MTAP: variants seen among roughly 807,000 people sequenced by gnomAD.
The protein encoded by MTAP is S-methyl-5'-thioadenosine phosphorylase.
A neutral mutation model predicts 33.6 loss-of-function variants in MTAP; 33 were observed. That is an observed-to-expected ratio of 0.98 (90% CI 0.74 to 1.31). MTAP has a LOEUF of 1.31. Ranked by LOEUF, MTAP falls within the 40% of genes most tolerant of loss-of-function variation. The pLI, the probability that MTAP is intolerant of heterozygous loss-of-function variation, is 0.00. For synonymous variants in MTAP, 148 were observed against 125.7 expected, an observed-to-expected ratio of 1.18 and a Z score of -1.19; for missense variants, 367 against 360.0, an observed-to-expected ratio of 1.02 and a Z score of -0.16.
At chr9:21,802,817 T>A in intron 1 of MTAP, 36 bp downstream of exon 1, 1 of 1,611,276 alleles carries the variant, frequency 6.2e-7, no homozygotes, top group Non-Finnish European at 8.5e-7. Context: ...CGGTTCGCCC[T>A]GCCGGATGCC....
intron 1 of MTAP, among the ~76,000 whole-genome samples, chr9:21,913,412 T>C (rs1476691185): frequency 1.3e-5 from 2 of 152,196 alleles, no homozygotes; most frequent in African/African-American, 4.8e-5. Flanking sequence ...AACAGCATGG[T>C]ACTGGTACCA....
intron 1 of MTAP, among the ~76,000 whole-genome samples, chr9:21,878,213 A>G (rs906105501): frequency 1.3e-5 from 2 of 151,366 alleles, no homozygotes; most frequent in Non-Finnish European, 2.9e-5. Flanking sequence ...CTCCTTTGTC[A>G]TTTCTGATTG....
chr9:21,847,667 T>C (rs1163390711), intron 5 of MTAP, among the ~76,000 whole-genome samples: 2 of 152,192 alleles, frequency 1.3e-5, no homozygotes, highest in Non-Finnish European at 2.9e-5. Flanking sequence ...GGTTGGTTGC[T>C]CCTAAGTTCA....
At chr9:21,937,823 CA>C (rs1280757456), downstream of MTAP, among the ~76,000 whole-genome samples, 2 of 152,128 alleles carry the variant, frequency 1.3e-5, no homozygotes, top group Non-Finnish European at 2.9e-5. Flanking sequence ...TGGAATATCT[CA>C]AAAGACTTTG....
At chr9:21,859,698 C>T (rs1034147443) in intron 7 of MTAP, 4 of 258,426 alleles carry the variant, frequency 1.5e-5, no homozygotes, top group African/African-American at 8.9e-5. Flanking sequence ...CTGTAGTATC[C>T]CTAAGTCTTA....
rs1010483966 is a variant in MTAP at position 21,859,108 on chromosome 9, A to T, written c.691-195A>T. ...AAGATCACTAATCCTATCCACGAGGACTCTGCCTTCATGACCTAATTGCCT... is the reference window on the plus strand; with the variant it reads ...AAGATCACTAATCCTATCCACGAGGTCTCTGCCTTCATGACCTAATTGCCT... On this transcript the variant is annotated intron_variant, in intron 6 of 7. Coordinates refer to ENST00000644715, the MANE Select transcript of MTAP (RefSeq NM_002451.4). 3 of 585,444 alleles carry T rather than the reference A, an allele frequency of 5.1e-6. No homozygotes were observed. The East Asian group carries it at 9.9e-5, about 19-fold the overall frequency. The allele number at this position is 585,444 out of a possible 1,614,324, so 36.3% of individuals were successfully genotyped here.
exon 8 of MTAP, chr9:21,936,357 G>A (rs181763703): frequency 1.3e-5 from 2 of 152,320 alleles, no homozygotes; most frequent in East Asian, 1.9e-4. Context: ...TATCTATCCA[G>A]ACAGATGATG....
chr9:21,828,616 A>G (rs1338892941), intron 4 of MTAP, among the ~76,000 whole-genome samples: 9 of 152,178 alleles, frequency 5.9e-5, no homozygotes, highest in African/African-American at 1.4e-4. Context: ...CAGAGGTTAC[A>G]GTGAACCGAG....
At chr9:21,903,411 G>A (rs1263669003) in intron 1 of MTAP, among the ~76,000 whole-genome samples, 1 of 152,148 alleles carries the variant, frequency 6.6e-6, no homozygotes, top group Non-Finnish European at 1.5e-5. Context: ...CTGGATAGAG[G>A]AGATGGAAAA....
chr9:21,929,105 T>C (rs972744351), intron 1 of MTAP, among the ~76,000 whole-genome samples: 2 of 151,960 alleles, frequency 1.3e-5, no homozygotes, highest in Non-Finnish European at 2.9e-5. Context: ...ACTGCTCCAG[T>C]ATCTATTCCC....
At chr9:21,883,125 G>GA (rs141709892) in intron 1 of MTAP, among the ~76,000 whole-genome samples, 2,559 of 138,570 alleles carry the variant, frequency 0.018, 55 homozygotes, top group African/African-American at 0.054. Flanking sequence ...ACTTATAACT[G>GA]AAAAAAAAAA....
intron 6 of MTAP, among the ~76,000 whole-genome samples, chr9:21,856,618 C>G (rs1027607378): frequency 6.6e-6 from 1 of 152,172 alleles, no homozygotes; most frequent in African/African-American, 2.4e-5. Flanking sequence ...GTAGAACCAG[C>G]AGTGATTTCC....
intron 1 of MTAP, among the ~76,000 whole-genome samples, chr9:21,810,727 A>G (rs1824324300): frequency 6.6e-6 from 1 of 152,224 alleles, no homozygotes; most frequent in South Asian, 2.1e-4. Context: ...AAAAACGGCA[A>G]ATACAGTCAC....
intron 1 of MTAP, among the ~76,000 whole-genome samples, chr9:21,923,319 G>C (rs932518339): frequency 7.9e-5 from 12 of 152,078 alleles, no homozygotes; most frequent in African/African-American, 2.9e-4. Flanking sequence ...AGTTTTTATG[G>C]CTGCATAGGA....
intron 1 of MTAP, among the ~76,000 whole-genome samples, chr9:21,899,408 A>G (rs1297386563): frequency 1.4e-5 from 2 of 145,490 alleles, no homozygotes; most frequent in African/African-American, 5.0e-5. Flanking sequence ...GGAGAAGGGG[A>G]AGGGGAAGGG....
At chr9:21,883,242 G>C (rs1818046507) in intron 1 of MTAP, among the ~76,000 whole-genome samples, 1 of 151,834 alleles carries the variant, frequency 6.6e-6, no homozygotes, top group African/African-American at 2.4e-5. Flanking sequence ...TTCAACAAAA[G>C]AGAAACTCTG....
chr9:21,860,635 A>G (rs1825734852), intron 7 of MTAP: 1 of 152,242 alleles, frequency 6.6e-6, no homozygotes, highest in Non-Finnish European at 1.5e-5. Context: ...ATTTGAGTGC[A>G]GTCAAATGGC....
intron 5 of MTAP, among the ~76,000 whole-genome samples, chr9:21,842,884 A>G (rs1825286201): frequency 1.3e-5 from 2 of 152,216 alleles, no homozygotes; most frequent in South Asian, 4.1e-4. Flanking sequence ...AAAAGCTAGC[A>G]TGATGAATAG....
At chr9:21,872,060 A>G (rs1825945641), downstream of MTAP, among the ~76,000 whole-genome samples, 1 of 152,188 alleles carries the variant, frequency 6.6e-6, no homozygotes, top group South Asian at 2.1e-4. Context: ...TCACACCTGT[A>G]ATCCCAGCAC....
Sources: gnomAD v4.1 joint callset for allele counts (sites outside exome capture counted in the v4.1 genomes callset) on GRCh38, gnomAD v4.1.1 for gene constraint, MANE v1.5 for transcripts, NCBI Gene and HGNC (gene_info 2026-07-23, HGNC 2026-07-21) for gene names.